TBL1X: variants seen among roughly 807,000 people sequenced by gnomAD.
TBL1X encodes transducin beta like 1 X-linked, also known as F-box-like/WD repeat-containing protein TBL1X.
In TBL1X, 10 loss-of-function variants were observed where a neutral mutation model predicts 50.7. That is an observed-to-expected ratio of 0.20 (90% CI 0.12 to 0.33). The LOEUF is 0.33. Ranked by LOEUF, TBL1X falls within the 10% of genes least tolerant of loss-of-function variation. The pLI is 1.00. For missense variants in TBL1X, 340 were observed against 504.4 expected (o/e 0.67, Z 3.12); for synonymous variants, 190 against 214.7 (o/e 0.88, Z 1.01).
chrX:9,681,949 C>G (rs922593642), intron 5 of TBL1X, among the ~76,000 whole-genome samples: 1 of 112,614 alleles, frequency 8.9e-6, no homozygotes, highest in Non-Finnish European at 1.9e-5. Flanking sequence ...TGGCCCCCAT[C>G]AGCCGTGAGA....
chrX:9,549,113 A>C (rs1304820483), intron 2 of TBL1X, among the ~76,000 whole-genome samples: 2 of 112,744 alleles, frequency 1.8e-5, no homozygotes, highest in Non-Finnish European at 3.8e-5. Context: ...AGCCCTTTTC[A>C]TCTCACAAAG....
chrX:9,559,499 C>T (rs1419250488), intron 2 of TBL1X, among the ~76,000 whole-genome samples: 3 of 111,278 alleles, frequency 2.7e-5, no homozygotes, highest in African/African-American at 9.8e-5. Flanking sequence ...AAATTTATTA[C>T]GATGAATACT....
intron 2 of TBL1X, among the ~76,000 whole-genome samples, chrX:9,625,863 C>T (rs2082689888): frequency 1.8e-5 from 2 of 112,159 alleles, no homozygotes; most frequent in Admixed American, 9.5e-5. Context: ...CGCTTGAACC[C>T]GGCGGGGGGG....
At chrX:9,514,851 T>C (rs1234273750) in intron 2 of TBL1X, among the ~76,000 whole-genome samples, 1 of 112,014 alleles carries the variant, frequency 8.9e-6, no homozygotes, top group Admixed American at 9.5e-5. Flanking sequence ...CAACAGAACA[T>C]AAATTGAGCA....
chrX:9,643,018 G>A (rs768730687), intron 3 of TBL1X, among the ~76,000 whole-genome samples: 28 of 112,521 alleles, frequency 2.5e-4, no homozygotes, highest in Non-Finnish European at 4.7e-4. Flanking sequence ...ACTCTAAATT[G>A]TGATTACGTA....
At chrX:9,630,925 TG>T (rs2146578514) in intron 2 of TBL1X, among the ~76,000 whole-genome samples, 1 of 112,129 alleles carries the variant, frequency 8.9e-6, no homozygotes, top group South Asian at 3.7e-4. Flanking sequence ...TACAGAGGGC[TG>T]GCTGTTCATA....
At chrX:9,553,693 T>A (rs1569053178) in intron 2 of TBL1X, among the ~76,000 whole-genome samples, 2 of 112,090 alleles carry the variant, frequency 1.8e-5, no homozygotes, top group African/African-American at 6.5e-5. Context: ...TTTTCATTGA[T>A]CTGATTCTAC....
At chrX:9,471,243 G>A (rs770798455) in intron 1 of TBL1X, among the ~76,000 whole-genome samples, 2 of 112,436 alleles carry the variant, frequency 1.8e-5, no homozygotes, top group East Asian at 2.8e-4. Context: ...ATCTCATGAC[G>A]TGGCATGTTT....
chrX:9,695,033 T>C (rs959513608), intron 11 of TBL1X, among the ~76,000 whole-genome samples: 2 of 112,357 alleles, frequency 1.8e-5, no homozygotes, highest in African/African-American at 6.5e-5. Flanking sequence ...CATCCCACTT[T>C]GGGAGAAATT....
At chrX:9,494,092 C>T (rs939621876) in intron 1 of TBL1X, among the ~76,000 whole-genome samples, 5 of 111,823 alleles carry the variant, frequency 4.5e-5, no homozygotes, top group African/African-American at 1.6e-4. Context: ...ACCGCCACTG[C>T]CAGTGCTGAG....
intron 2 of TBL1X, among the ~76,000 whole-genome samples, chrX:9,521,122 A>G (rs1474708219): frequency 9.1e-6 from 1 of 110,324 alleles, no homozygotes; most frequent in Non-Finnish European, 1.9e-5. Flanking sequence ...AAAGAAGTTA[A>G]AGAGATAAGA....
intron 2 of TBL1X, among the ~76,000 whole-genome samples, chrX:9,622,036 A>C (rs889062513): frequency 8.9e-6 from 1 of 112,000 alleles, no homozygotes; most frequent in Non-Finnish European, 1.9e-5. Flanking sequence ...TGCTAGTTTG[A>C]AAACAAACTG....
At chrX:9,652,850 C>CAAAA (rs750794158) in intron 3 of TBL1X, among the ~76,000 whole-genome samples, 1 of 55,386 alleles carries the variant, frequency 1.8e-5, no homozygotes, top group Non-Finnish European at 3.5e-5. Context: ...GACTCTGTCT[C>CAAAA]AAAAAAAAAA....
chrX:9,667,242 C>T (rs1204527370), intron 5 of TBL1X, among the ~76,000 whole-genome samples: 1 of 111,745 alleles, frequency 8.9e-6, no homozygotes, highest in Non-Finnish European at 1.9e-5. Flanking sequence ...GCCTGGGTGA[C>T]AGAGCGAGAC....
intron 2 of TBL1X, among the ~76,000 whole-genome samples, chrX:9,580,719 G>A (rs761910149): frequency 2.7e-5 from 3 of 111,509 alleles, no homozygotes; most frequent in East Asian, 5.6e-4. Flanking sequence ...GGGGGAAGGG[G>A]GGGTGCTTTC....
At chrX:9,511,810 A>C (rs1360964494) in intron 2 of TBL1X, among the ~76,000 whole-genome samples, 3 of 112,384 alleles carry the variant, frequency 2.7e-5, no homozygotes, top group African/African-American at 9.7e-5. Context: ...TTGAGATGAA[A>C]TAGTCATTTG....
At chrX:9,492,220 C>G (rs749406619) in intron 1 of TBL1X, among the ~76,000 whole-genome samples, 181 of 111,658 alleles carry the variant, frequency 1.6e-3, no homozygotes, top group African/African-American at 5.5e-3. Context: ...TTGTGGGATG[C>G]AGGGAGAGGA....
intron 5 of TBL1X, among the ~76,000 whole-genome samples, chrX:9,675,905 A>G (rs1247482205): frequency 1.8e-5 from 2 of 110,269 alleles, no homozygotes; most frequent in African/African-American, 6.6e-5. Flanking sequence ...AAAAAAAAAA[A>G]AAAGAAGAAA....
At chrX:9,567,689 C>A (rs1468684441) in intron 2 of TBL1X, among the ~76,000 whole-genome samples, 1 of 112,296 alleles carries the variant, frequency 8.9e-6, no homozygotes, top group African/African-American at 3.2e-5. Context: ...CACCATGTCT[C>A]CTTCCAGGCC....
Sources: gnomAD v4.1 joint callset for allele counts (sites outside exome capture counted in the v4.1 genomes callset) on GRCh38, gnomAD v4.1.1 for gene constraint, MANE v1.5 for transcripts, NCBI Gene and HGNC (gene_info 2026-07-23, HGNC 2026-07-21) for gene names.